ALK: variants seen among roughly 807,000 people sequenced by gnomAD.
ALK encodes the protein ALK tyrosine kinase receptor.
ALK carries 74 observed loss-of-function variants against 163.1 expected under a neutral mutation model. The ratio of observed to expected loss-of-function variants is 0.45; its 90% CI spans 0.38 to 0.55. The LOEUF is 0.55. ALK is among the 20% of genes least tolerant of loss of function. The pLI, the probability that ALK is intolerant of heterozygous loss-of-function variation, is 0.00. For missense variants in ALK, 2,063 were observed against 2,105.3 expected (o/e 0.98, Z 0.39); for synonymous variants, 960 against 843.2 (o/e 1.14, Z -2.40).
At chr2:29,434,281 C>G (rs1388224360) in intron 4 of ALK, among the ~76,000 whole-genome samples, 1 of 152,110 alleles carries the variant, frequency 6.6e-6, no homozygotes, top group Non-Finnish European at 1.5e-5. Flanking sequence ...GCATAATGAC[C>G]TAATGCAAAT....
chr2:29,792,621 T>G (rs1432381557), intron 1 of ALK, among the ~76,000 whole-genome samples: 1 of 152,212 alleles, frequency 6.6e-6, no homozygotes, highest in Non-Finnish European at 1.5e-5. Context: ...TGTGACCATT[T>G]GAAATGCCTC....
intron 3 of ALK, among the ~76,000 whole-genome samples, chr2:29,657,895 CTTA>C (rs1331964742): frequency 3.9e-5 from 6 of 152,040 alleles, no homozygotes; most frequent in African/African-American, 1.4e-4. Flanking sequence ...AAACCAGCAG[CTTA>C]TTATTAGTTC....
intron 8 of ALK, among the ~76,000 whole-genome samples, chr2:29,316,060 C>A (rs1354235981): frequency 1.3e-5 from 2 of 152,164 alleles, no homozygotes; most frequent in Non-Finnish European, 2.9e-5. Flanking sequence ...CAGAGAAATG[C>A]AATATCCATT....
intron 3 of ALK, among the ~76,000 whole-genome samples, chr2:29,607,825 C>T (rs182114241): frequency 1.3e-5 from 2 of 152,108 alleles, no homozygotes; most frequent in East Asian, 1.9e-4. Context: ...CATCCTGTCT[C>T]GTGGCTTTAA....
chr2:29,714,888 G>A (rs1679203034), intron 2 of ALK, among the ~76,000 whole-genome samples: 1 of 152,152 alleles, frequency 6.6e-6, no homozygotes, highest in African/African-American at 2.4e-5. Flanking sequence ...CATCCTTAAG[G>A]GGACCAGACT....
chr2:29,302,900 GACA>G (rs2148235997), intron 8 of ALK, among the ~76,000 whole-genome samples: 1 of 152,254 alleles, frequency 6.6e-6, no homozygotes, highest in South Asian at 2.1e-4. Context: ...TGAAATGTAA[GACA>G]TCAAACTATA....
At chr2:29,394,917 A>G (rs936972187) in intron 4 of ALK, among the ~76,000 whole-genome samples, 7 of 152,010 alleles carry the variant, frequency 4.6e-5, no homozygotes, top group Non-Finnish European at 7.4e-5. Flanking sequence ...AAGGATAAAG[A>G]CAACATTGAA....
rs544305514 is a variant in ALK, at chr2:29,650,397, A to G, written c.952+44453T>C. ...AAGAAATGGGATTAAAAAACTAAACATATTTCACAATATCACATCAAGAAA... is the reference window on the plus strand; with the variant it reads ...AAGAAATGGGATTAAAAAACTAAACGTATTTCACAATATCACATCAAGAAA... On this transcript the variant is annotated intron_variant, in intron 3 of 28. Coordinates refer to ENST00000389048, the MANE Select transcript of ALK (RefSeq NM_004304.5). Among the ~76,000 whole-genome samples the G allele has an allele frequency of 3.3e-5, 5 of 152,300 alleles. No individual in the cohort carries two copies. The East Asian group carries it at 5.8e-4, about 18-fold the overall frequency.
chr2:29,901,445 C>T (rs1020572473), intron 1 of ALK, among the ~76,000 whole-genome samples: 3 of 152,192 alleles, frequency 2.0e-5, no homozygotes, highest in Admixed American at 6.5e-5. Context: ...AAAGAAAATT[C>T]AGCTTCTGAG....
intron 4 of ALK, among the ~76,000 whole-genome samples, chr2:29,425,681 A>G (rs1308036590): frequency 6.6e-6 from 1 of 152,234 alleles, no homozygotes. Flanking sequence ...TCCCTGCCTC[A>G]GACCTGTGGC....
chr2:29,509,139 GA>G (rs1411386834), intron 4 of ALK, among the ~76,000 whole-genome samples: 19 of 152,122 alleles, frequency 1.2e-4, no homozygotes, highest in African/African-American at 4.3e-4. Flanking sequence ...CTTCTAGAGG[GA>G]AAAGAGAGTC....
At chr2:29,668,963 C>G (rs759977418) in intron 3 of ALK, among the ~76,000 whole-genome samples, 26 of 152,030 alleles carry the variant, frequency 1.7e-4, no homozygotes, top group Non-Finnish European at 3.2e-4. Flanking sequence ...GAAAGACCTG[C>G]CCCCATGATT....
At chr2:29,213,616 G>A (rs13404233) in intron 24 of ALK, among the ~76,000 whole-genome samples, 1 of 152,244 alleles carries the variant, frequency 6.6e-6, no homozygotes, top group Non-Finnish European at 1.5e-5. Flanking sequence ...CAGCCCTGGC[G>A]AGGATATTTT....
chr2:29,691,605 G>A (rs886725907), intron 3 of ALK, among the ~76,000 whole-genome samples: 2 of 152,190 alleles, frequency 1.3e-5, no homozygotes, highest in African/African-American at 4.8e-5. Context: ...TTGGGATCCA[G>A]CTTCATAAAA....
rs760768939 is a variant in ALK, at chr2:29,223,461, C to A, written c.3240G>T (p.Leu1080=). ...TGATGGTCGAGGTGCGGAGCTTGCT[C>A]AGCTTGTACTCAGGGCTCTGCAGCT... The part of the protein sequence containing the change: ...QMELQSPEYK[L]SKLRTSTIMT... Residue 1080 remains leucine, a synonymous_variant, in exon 20 of 29, where the codon CTG becomes CTT. Coordinates refer to ENST00000389048, the MANE Select transcript of ALK (RefSeq NM_004304.5). The A allele has an allele frequency of 6.2e-7, 1 of 1,614,162 alleles. No homozygotes were observed. Among genetic ancestry groups the A allele is most frequent in the Non-Finnish European group, 8.5e-7 (1 of 1,180,034 alleles).
At chr2:29,666,340 A>C (rs1015489302) in intron 3 of ALK, among the ~76,000 whole-genome samples, 1 of 152,046 alleles carries the variant, frequency 6.6e-6, no homozygotes, top group Non-Finnish European at 1.5e-5. Flanking sequence ...CACTGCTTTG[A>C]AAATGAGCTA....
intron 3 of ALK, among the ~76,000 whole-genome samples, chr2:29,693,821 G>A (rs1678472932): frequency 6.6e-6 from 1 of 152,188 alleles, no homozygotes; most frequent in African/African-American, 2.4e-5. Flanking sequence ...ACTCATCACA[G>A]CAAGTATTTA....
intron 4 of ALK, among the ~76,000 whole-genome samples, chr2:29,410,683 T>A (rs567020465): frequency 3.1e-4 from 47 of 152,338 alleles, no homozygotes; most frequent in African/African-American, 1.1e-3. Context: ...TAAACACATC[T>A]AAACATAGAA....
chr2:29,395,237 C>G (rs1451724523), intron 4 of ALK, among the ~76,000 whole-genome samples: 1 of 152,358 alleles, frequency 6.6e-6, no homozygotes, highest in South Asian at 2.1e-4. Context: ...TCCATTTCAG[C>G]CATAAATCTC....
Sources: allele counts gnomAD v4.1 joint callset (sites outside exome capture counted in the v4.1 genomes callset), GRCh38; gene constraint gnomAD v4.1.1; transcripts MANE v1.5; gene names NCBI Gene and HGNC (gene_info 2026-07-23, HGNC 2026-07-21).